Variants in SH3BP1 observed in about 807,000 individuals in gnomAD.
The protein encoded by SH3BP1 is SH3 domain-binding protein 1.
SH3BP1 carries 46 observed loss-of-function variants against 69.8 expected under a neutral mutation model. The ratio of observed to expected loss-of-function variants is 0.66; its 90% CI spans 0.52 to 0.84. The LOEUF is 0.84. Among genes scored for constraint, SH3BP1 ranks in the 40% least tolerant of loss-of-function variants. The pLI, the probability that SH3BP1 is intolerant of heterozygous loss-of-function variation, is 0.00. For missense variants in SH3BP1, 868 were observed against 930.9 expected (o/e 0.93, Z 0.88); for synonymous variants, 403 against 378.0 (o/e 1.07, Z -0.77).
intron 10 of SH3BP1, 32 bp downstream of exon 10, chr22:37,645,542 C>G (rs763517550): frequency 3.5e-5 from 56 of 1,585,808 alleles, no homozygotes; most frequent in Non-Finnish European, 4.7e-5. Context: ...GGGGAAGGAG[C>G]ACTGGGGCCC....
At chr22:37,641,605 G>T in intron 3 of SH3BP1, 127 bp downstream of exon 3, 2 of 754,394 alleles carry the variant, frequency 2.7e-6, no homozygotes, top group Non-Finnish European at 4.3e-6. Flanking sequence ...AGACTGCTCT[G>T]TTCCAAGGCC....
Position 37,655,293 on chromosome 22 carries a change from G to T in SH3BP1, c.1715G>T (p.Arg572Leu), listed in dbSNP as rs765912609. The change falls in exon 18 of 18, where the codon CGG becomes CTG. Residue 572 changes from arginine to leucine, a missense_variant. Transcript: ENST00000649765. ...ARRTKRPAPA[R>L]PTMPPPQVSG... ...ACAGCCAAGCGCCCGGCGCCAGCCC[G>T]GCCCACCATGCCGCCCCCCCAGGTC... is the stretch of plus-strand genomic sequence containing the variant. 3 of 1,573,562 alleles carry T rather than the reference G, an allele frequency of 1.9e-6. No homozygotes were observed. Among genetic ancestry groups the T allele is most frequent in the Non-Finnish European group, 2.6e-6 (3 of 1,162,738 alleles).
intron 11 of SH3BP1, 82 bp from the exon 12 acceptor site, chr22:37,647,185 C>T (rs943766053): frequency 2.4e-6 from 3 of 1,256,948 alleles, no homozygotes; most frequent in Non-Finnish European, 3.5e-6. Context: ...TTAGTGTGAA[C>T]AAGGGCCGGA....
Position 37,643,740 on chromosome 22 carries a change from G to A in SH3BP1, c.570G>A (p.Thr190=), listed in dbSNP as rs189528846. 8.1e-6 allele frequency: 13 copies of A among 1,613,914 alleles called. 1 individual carries two copies. The highest frequency in any genetic ancestry group is 5.0e-5 in the Admixed American group (3 of 60,018). The change falls in exon 7 of 18, where the codon ACG becomes ACA. Residue 190 remains threonine, a synonymous_variant. Coordinates refer to ENST00000649765, the MANE Select transcript of SH3BP1 (RefSeq NM_018957.6). The stretch of plus-strand genomic sequence containing the variant: ...CGACCATGGCCAACAAGGTGGAGAC[G>A]CTGAAGGAGGAGGAGGAGGAGCTGA... The part of the protein sequence containing the change: ...SHTTMANKVE[T]LKEEEEELKR...
intron 17 of SH3BP1, among the ~76,000 whole-genome samples, 183 bp from the exon 18 acceptor site, chr22:37,655,089 G>T (rs1376681272): frequency 6.6e-6 from 1 of 152,210 alleles, no homozygotes; most frequent in East Asian, 1.9e-4. Flanking sequence ...GGTGCTCGGG[G>T]AGGGCCTCCA....
At position 37,641,219 on chromosome 22, in the gene SH3BP1, C is replaced by T. The variant is rs117158884; in HGVS notation, c.102+51C>T. ...GAAGGCAGGCCTGTGCAGGCTGTCT[C>T]GGAGCAGAGGGCCGGGGCGGGGACG... On this transcript the variant is annotated intron_variant, in intron 2 of 17. Coordinates refer to ENST00000649765, the MANE Select transcript of SH3BP1 (RefSeq NM_018957.6). 11,414 of 1,539,644 alleles carry T rather than the reference C, an allele frequency of 7.4e-3. 58 individuals carry two copies. Among genetic ancestry groups the T allele is most frequent in the Non-Finnish European group, 8.3e-3 (9,478 of 1,138,236 alleles).
At chr22:37,644,608 A>G (rs571882713) in intron 7 of SH3BP1, 29 bp from the exon 8 acceptor site, 34 of 1,611,902 alleles carry the variant, frequency 2.1e-5, no homozygotes, top group African/African-American at 5.3e-5. Context: ...GCCTCACCCA[A>G]CGTAAGCTCT....
At chr22:37,640,825 G>C (rs1179063587) in intron 1 of SH3BP1, 1 of 468,212 alleles carries the variant, frequency 2.1e-6, no homozygotes, top group Non-Finnish European at 3.8e-6. Flanking sequence ...AGGCTTCTGT[G>C]TCCCAAAGCT....
At chr22:37,641,215 G>A in intron 2 of SH3BP1, 47 bp downstream of exon 2, 1 of 1,543,170 alleles carries the variant, frequency 6.5e-7, no homozygotes, top group Non-Finnish European at 8.8e-7. Flanking sequence ...TGTGCAGGCT[G>A]TCTCGGAGCA....
intron 6 of SH3BP1, 194 bp downstream of exon 6, chr22:37,643,368 G>C: frequency 1.5e-6 from 1 of 664,982 alleles, no homozygotes; most frequent in South Asian, 1.9e-5. Flanking sequence ...GTGTGTCACA[G>C]CTGGTGCTGG....
intron 9 of SH3BP1, 98 bp from the exon 10 acceptor site, chr22:37,645,267 G>T: frequency 7.1e-7 from 1 of 1,399,136 alleles, no homozygotes; most frequent in Admixed American, 2.1e-5. Context: ...ACAGTCAGTG[G>T]CAGGTGGTAC....
At position 37,646,853 on chromosome 22, in the gene SH3BP1, G is replaced by A. The variant is rs1307135431; in HGVS notation, c.960G>A (p.Leu320=). The A allele has an allele frequency of 1.3e-6, 2 of 1,561,948 alleles. No homozygotes were observed. The highest frequency in any genetic ancestry group is 1.9e-5 in the Admixed American group (1 of 52,732). ...GTCTGGCTGCTGGGGCCTCGGTGCT[G>A]AAGCGTCTCAAGCAGACAATGGCCT... ...LFRLAAGASV[L]KRLKQTMASD... Residue 320 remains leucine (L), a synonymous_variant, in exon 11 of 18, where the codon CTG becomes CTA. Transcript: ENST00000649765.
intron 10 of SH3BP1, among the ~76,000 whole-genome samples, chr22:37,646,036 G>T (rs1182789427): frequency 6.8e-6 from 1 of 147,064 alleles, no homozygotes; most frequent in Non-Finnish European, 1.5e-5. Context: ...GCGTGATCTC[G>T]GCTCACTGCA....
intron 1 of SH3BP1, chr22:37,640,842 C>T (rs1601579330): frequency 6.1e-6 from 3 of 492,292 alleles, no homozygotes; most frequent in East Asian, 7.4e-5. Context: ...AGCTGGGCCC[C>T]GGGTGGGTCT....
chr22:37,651,964 G>A (rs1932888361), intron 16 of SH3BP1, among the ~76,000 whole-genome samples: 1 of 152,114 alleles, frequency 6.6e-6, no homozygotes, highest in African/African-American at 2.4e-5. Context: ...CGAAGGCAGT[G>A]AGGAATGAGC....
At chr22:37,646,763 G>A in intron 10 of SH3BP1, 55 bp from the exon 11 acceptor site, 1 of 1,127,092 alleles carries the variant, frequency 8.9e-7, no homozygotes, top group South Asian at 1.6e-5. Context: ...GTGCGCCAGG[G>A]TGTCCTGCCC....
intron 8 of SH3BP1, 60 bp from the exon 9 acceptor site, chr22:37,644,810 G>T: frequency 6.2e-7 from 1 of 1,605,426 alleles, no homozygotes; most frequent in Admixed American, 1.7e-5. Context: ...TGCTCTCAAG[G>T]ACCCTATAGA....
intron 10 of SH3BP1, among the ~76,000 whole-genome samples, chr22:37,645,960 C>CTTTTTTTTTT (rs11329854): frequency 7.9e-6 from 1 of 126,280 alleles, no homozygotes; most frequent in African/African-American, 3.4e-5. Flanking sequence ...CTCCCTTACA[C>CTTTTTTTTTT]TTTTTTTTTT....
In SH3BP1 at chr22:37,646,837, C is replaced by T; in HGVS notation, c.944C>T (p.Ala315Val). Residue 315 changes from alanine (A) to valine (V), a missense_variant, in exon 11 of 18, where the codon GCT becomes GTT. Ala to Val is a moderately conservative substitution (Grantham distance 64). This residue lies in a region of SH3BP1 where 387 missense variants were observed against 447.9 expected (regional missense o/e 0.86). Transcript: ENST00000649765. Reference protein sequence around the residue: ...MKEEGLFRLAAGASVLKRLKQ... With the variant: ...MKEEGLFRLAVGASVLKRLKQ... The stretch of plus-strand genomic sequence containing the variant: ...ACCCAGGGTCTCTTCCGTCTGGCTG[C>T]TGGGGCCTCGGTGCTGAAGCGTCTC... 2 of 1,543,524 alleles carry T rather than the reference C, an allele frequency of 1.3e-6. No individual in the cohort carries two copies. The highest frequency in any genetic ancestry group is 1.2e-5 in the South Asian group (1 of 83,508).
Sources: gnomAD v4.1 joint callset for allele counts (sites outside exome capture counted in the v4.1 genomes callset) on GRCh38, gnomAD v4.1.1 for gene constraint, gnomAD v4.1.1 regional missense constraint, MANE v1.5 for transcripts, NCBI Gene and HGNC (gene_info 2026-07-23, HGNC 2026-07-21) for gene names.